RASA3: variants seen among roughly 807,000 people sequenced by gnomAD.
The protein encoded by RASA3 is RAS p21 protein activator 3.
In RASA3, 73 loss-of-function variants were observed where a neutral mutation model predicts 110.0. The observed-to-expected ratio is 0.66, with a 90% CI of 0.55 to 0.81. RASA3 has a LOEUF of 0.81. Among genes scored for constraint, RASA3 ranks in the 30% least tolerant of loss-of-function variants. The pLI is 0.00. For missense variants in RASA3, 976 were observed against 1,113.2 expected, an observed-to-expected ratio of 0.88 and a Z score of 1.75; for synonymous variants, 500 against 451.4, an observed-to-expected ratio of 1.11 and a Z score of -1.37.
chr13:113,994,683 T>C (rs2053193518), intron 21 of RASA3, among the ~76,000 whole-genome samples: 1 of 152,064 alleles, frequency 6.6e-6, no homozygotes, highest in South Asian at 2.1e-4. Context: ...AAAACCAAAA[T>C]TTAATGAGCT....
At chr13:114,005,522 C>T (rs1382041194) in intron 18 of RASA3, among the ~76,000 whole-genome samples, 3 of 152,168 alleles carry the variant, frequency 2.0e-5, no homozygotes, top group Non-Finnish European at 2.9e-5. Flanking sequence ...GGCGCAGGGG[C>T]CAGACCCCCA....
At chr13:114,060,657 C>T (rs769979726) in intron 2 of RASA3, among the ~76,000 whole-genome samples, 2 of 152,232 alleles carry the variant, frequency 1.3e-5, no homozygotes, top group Non-Finnish European at 2.9e-5. Flanking sequence ...GCTCTGCTTC[C>T]AGTGAGGCGA....
At chr13:114,128,698 C>T (rs534319376) in intron 1 of RASA3, among the ~76,000 whole-genome samples, 4 of 152,380 alleles carry the variant, frequency 2.6e-5, no homozygotes, top group South Asian at 2.1e-4. Flanking sequence ...GTCTTCTTCA[C>T]GGACAAGCTC....
chr13:114,048,037 C>T lies in RASA3; in HGVS notation c.277+4015G>A, dbSNP rs2079081360. ...ATACACAAAGAACGGAGGTCTCGGC[C>T]GGGCGCGGTGGCTCACGCCTGTAAT... On this transcript the variant is annotated intron_variant, in intron 3 of 23. Transcript: ENST00000334062. The surrounding 1 kb of genome is among the most constrained non-coding windows in gnomAD (Gnocchi z 4.3). Among the ~76,000 whole-genome samples, 1 of 152,192 alleles carries T rather than the reference C, an allele frequency of 6.6e-6. No homozygotes were observed. Among genetic ancestry groups the T allele is most frequent in the Admixed American group, 6.5e-5 (1 of 15,288 alleles).
At chr13:114,071,632 C>G (rs75279984) in intron 2 of RASA3, among the ~76,000 whole-genome samples, 1 of 152,172 alleles carries the variant, frequency 6.6e-6, no homozygotes, top group Non-Finnish European at 1.5e-5. Context: ...CCAGACTGGG[C>G]GCCTGACAAT....
At chr13:114,051,263 C>G (rs7317369) in intron 3 of RASA3, among the ~76,000 whole-genome samples, 32,412 of 152,148 alleles carry the variant, frequency 0.21, 3,511 homozygotes, top group East Asian at 0.31. Flanking sequence ...AGCCAGTACA[C>G]ACTGGCTCCC....
intron 4 of RASA3, among the ~76,000 whole-genome samples, chr13:114,030,232 C>G: frequency 6.6e-6 from 1 of 152,244 alleles, no homozygotes; most frequent in East Asian, 1.9e-4. Flanking sequence ...GCAGGCTGCT[C>G]GTGTGTCCGT....
rs549714092 is a variant in RASA3 at position 114,053,148 on chromosome 13, C to A, written c.174-993G>T. On this transcript the variant is annotated intron_variant, in intron 2 of 23. Transcript: ENST00000334062. ...AAAGTCCTTGCTCCCGGAGGAGAGGCCCCTGCTGCTGACTGCCCAGCCGCC... is the reference window on the plus strand; with the variant it reads ...AAAGTCCTTGCTCCCGGAGGAGAGGACCCTGCTGCTGACTGCCCAGCCGCC... 2.6e-5 allele frequency among the ~76,000 whole-genome samples: 4 copies of A among 152,126 alleles called. No individual in the cohort carries two copies. In the South Asian group the frequency reaches 8.3e-4, roughly 31 times the overall value.
chr13:114,078,540 G>A (rs535597298), intron 1 of RASA3, among the ~76,000 whole-genome samples: 13 of 152,240 alleles, frequency 8.5e-5, no homozygotes, highest in Admixed American at 3.3e-4. Context: ...TTCACCAGCC[G>A]GCAGACTGAT....
At chr13:114,063,412 CATTAT>C (rs1046817514) in intron 2 of RASA3, among the ~76,000 whole-genome samples, 49 of 150,276 alleles carry the variant, frequency 3.3e-4, no homozygotes, top group Middle Eastern at 3.5e-3. Context: ...TATAATGACT[CATTAT>C]ATTATAATAC....
rs60254763 is a variant in RASA3, at chr13:114,063,732, A to G, written c.173+9988T>C. ...CAGTGGCTGATTGTCCCCGTGGGAT[A>G]AATTCCTCCAAGGATGTGCACTGTC... On this transcript the variant is annotated intron_variant, in intron 2 of 23. Transcript: ENST00000334062. Among the ~76,000 whole-genome samples, 1,383 of 152,316 alleles carry G rather than the reference A, an allele frequency of 9.1e-3. 24 individuals are homozygous for G. The highest frequency in any genetic ancestry group is 0.032 in the African/African-American group (1,311 of 41,552).
At chr13:114,017,112 C>A in intron 12 of RASA3, 125 bp downstream of exon 12, 1 of 819,702 alleles carries the variant, frequency 1.2e-6, no homozygotes, top group Non-Finnish European at 2.1e-6. Flanking sequence ...ATCCCCGTGG[C>A]GAGGCCAGAG....
At chr13:114,108,395 G>A (rs2080169351) in intron 1 of RASA3, among the ~76,000 whole-genome samples, 1 of 36,232 alleles carries the variant, frequency 2.8e-5, no homozygotes, top group African/African-American at 1.3e-4. Flanking sequence ...GTCACCCCAT[G>A]TCCGTCACCC....
intron 2 of RASA3, among the ~76,000 whole-genome samples, chr13:114,062,136 T>A (rs1231145478): frequency 6.6e-6 from 1 of 152,056 alleles, no homozygotes; most frequent in Admixed American, 6.5e-5. Context: ...TTTTCCACGA[T>A]GAGTTGATTC....
At chr13:114,064,195 G>A (rs1481498452) in intron 2 of RASA3, among the ~76,000 whole-genome samples, 5 of 152,184 alleles carry the variant, frequency 3.3e-5, no homozygotes, top group Admixed American at 6.5e-5. Flanking sequence ...TGGACACAGC[G>A]TCCCAGGACC....
chr13:114,106,726 AC>A (rs1282290366), intron 1 of RASA3, among the ~76,000 whole-genome samples: 1 of 152,152 alleles, frequency 6.6e-6, no homozygotes, highest in Non-Finnish European at 1.5e-5. Flanking sequence ...TTGGCTTAAC[AC>A]CTGAACCAGC....
intron 4 of RASA3, among the ~76,000 whole-genome samples, chr13:114,030,577 T>C (rs937178897): frequency 1.3e-5 from 2 of 151,876 alleles, no homozygotes; most frequent in Non-Finnish European, 2.9e-5. Flanking sequence ...CGGGGGCTTC[T>C]AGCAGAGCAG....
rs755976281 is a variant in RASA3, at chr13:114,009,960, C to G, written c.1591-496G>C. 7.2e-5 allele frequency among the ~76,000 whole-genome samples: 11 copies of G among 152,226 alleles called. 1 individual carries two copies. The highest frequency in any genetic ancestry group is 1.3e-4 in the Admixed American group (2 of 15,288). On this transcript the variant is annotated intron_variant, in intron 16 of 23. Transcript: ENST00000334062. ...CGGGGGGGCCTTTGCAGCCACCATT[C>G]CTGAGGCTCGACCCCAAGTTCCTGT... is the stretch of plus-strand genomic sequence containing the variant.
At position 114,014,018 on chromosome 13, in the gene RASA3, CCA is replaced by C. The variant is rs1436298107; in HGVS notation, c.1406-772_1406-771del. ...TCTCTCCGTCTGTCTCTGTCTCTCT[CCA>C]TCTCTCTCTCTCCGTCTCTATCTCT... On this transcript the variant is annotated intron_variant, in intron 14 of 23. Transcript: ENST00000334062. This position sits in a 1 kb window ranked among gnomAD's most constrained non-coding sequence, Gnocchi z 4.5. Among the ~76,000 whole-genome samples the C allele has an allele frequency of 2.8e-3, 203 of 72,544 alleles. 6 individuals are homozygous for C. Among genetic ancestry groups the C allele is most frequent in the African/African-American group, 0.018 (193 of 10,788 alleles). 47.6% of individuals were successfully genotyped at this position (72,544 alleles called of 152,430 possible).
Sources: allele counts gnomAD v4.1 joint callset (sites outside exome capture counted in the v4.1 genomes callset), GRCh38; gene constraint gnomAD v4.1.1; non-coding constraint Gnocchi (gnomAD v3.1); transcripts MANE v1.5; gene names NCBI Gene and HGNC (gene_info 2026-07-23, HGNC 2026-07-21).